The following MAPK8IP3 variants were observed in gnomAD, a reference collection of about 807,000 sequenced individuals.
MAPK8IP3 encodes C-Jun-amino-terminal kinase-interacting protein 3.
A neutral mutation model predicts 157.8 loss-of-function variants in MAPK8IP3; 49 were observed. That is an observed-to-expected ratio of 0.31 (90% CI 0.25 to 0.39). The LOEUF (loss-of-function observed/expected upper bound fraction) is 0.39, where lower values mean the gene tolerates loss of function less well. MAPK8IP3 is among the 10% of genes least tolerant of loss of function. The pLI is 1.00. For missense variants in MAPK8IP3, 1,478 were observed against 1,889.4 expected (o/e 0.78, Z 4.04); for synonymous variants, 897 against 777.7 (o/e 1.15, Z -2.55).
chr16:1,767,735 G>T lies in MAPK8IP3; in HGVS notation c.3409G>T (p.Gly1137Cys). 6.2e-7 allele frequency: 1 copy of T among 1,612,610 alleles called. No homozygotes were observed. The highest frequency in any genetic ancestry group is 8.5e-7 in the Non-Finnish European group (1 of 1,179,906). Residue 1137 changes from glycine to cysteine, a missense_variant and splice_region_variant, in exon 27 of 32, where the codon GGC (glycine) becomes TGC (cysteine). Physicochemically the swap from Gly to Cys is radical, Grantham distance 159 (BLOSUM62 -3). Coordinates refer to ENST00000610761, the MANE Select transcript of MAPK8IP3 (RefSeq NM_001318852.2). ...TGAGCCCTACGTCAGCAAGATGCTAGGTGAGGGGCCACGCCAGATGGGGTG... is the reference window on the plus strand; with the variant it reads ...TGAGCCCTACGTCAGCAAGATGCTATGTGAGGGGCCACGCCAGATGGGGTG... ...DIEPYVSKML[G>C]TGKLGFSFVR...
intron 8 of MAPK8IP3, among the ~76,000 whole-genome samples, chr16:1,755,839 A>T (rs1162061582): frequency 6.9e-6 from 1 of 144,072 alleles, no homozygotes; most frequent in African/African-American, 2.6e-5. Context: ...TGACAGAGTG[A>T]GAGTCTTTCT....
In MAPK8IP3 at chr16:1,729,150, A is replaced by T; in HGVS notation, c.452A>T (p.Glu151Val). ...KNYADQISRLEERESEMKKEY... is the reference protein window; with the variant it reads ...KNYADQISRLVERESEMKKEY... ...TTGTGTTTTCCAGTTTCCCGGTTGG[A>T]GGAGCGGGAGTCGGAGATGAAGAAG... The change falls in exon 3 of 32, where the codon GAG becomes GTG. Residue 151 changes from glutamate to valine, a missense_variant. Physicochemically the swap from Glu to Val is moderately radical, Grantham distance 121 (BLOSUM62 -2). Coordinates refer to ENST00000610761, the MANE Select transcript of MAPK8IP3 (RefSeq NM_001318852.2). 6.2e-7 allele frequency: 1 copy of T among 1,614,078 alleles called. No homozygotes were observed. The highest frequency in any genetic ancestry group is 8.5e-7 in the Non-Finnish European group (1 of 1,179,972).
chr16:1,738,844 TGTGAGCGTGTGA>T (rs1170938679), intron 4 of MAPK8IP3, among the ~76,000 whole-genome samples: 1 of 132,254 alleles, frequency 7.6e-6, no homozygotes, highest in Non-Finnish European at 1.6e-5. Flanking sequence ...TGAGCGTCCG[TGTGAGCGTGTGA>T]GCGTCCGTGT....
In MAPK8IP3 at chr16:1,722,005, G is replaced by A. The variant is rs200482603; in HGVS notation, c.319-2552G>A. ...AGGAAGGTCTCCATCTCCTGACCTC[G>A]TCATCCCCCCCGCCTCGGCCTCCCA... On this transcript the variant is annotated intron_variant, in intron 1 of 31. Transcript: ENST00000610761. Among the ~76,000 whole-genome samples, 20 of 147,360 alleles carry A rather than the reference G, an allele frequency of 1.4e-4. No individual in the cohort carries two copies. In the South Asian group the frequency reaches 3.0e-3, roughly 22 times the overall value.
chr16:1,755,363 C>T (rs747558956), intron 8 of MAPK8IP3, among the ~76,000 whole-genome samples: 1 of 152,172 alleles, frequency 6.6e-6, no homozygotes. Context: ...TACACAATTA[C>T]GAGGACAACA....
chr16:1,720,263 T>C (rs920229443), intron 1 of MAPK8IP3, among the ~76,000 whole-genome samples: 1 of 152,250 alleles, frequency 6.6e-6, no homozygotes, highest in Non-Finnish European at 1.5e-5. Context: ...CTTGAACTCC[T>C]GACCTCAGGT....
Position 1,737,321 on chromosome 16 carries a change from C to T in MAPK8IP3, c.603-6011C>T, listed in dbSNP as rs574459419. ...CCATGTGAGCATCTGTGTGACCGTCCGTGTGAGCATCCGTGTGAGCGTGAC... is the reference window on the plus strand; with the variant it reads ...CCATGTGAGCATCTGTGTGACCGTCTGTGTGAGCATCCGTGTGAGCGTGAC... On this transcript the variant is annotated intron_variant, in intron 4 of 31. Coordinates refer to ENST00000610761, the MANE Select transcript of MAPK8IP3 (RefSeq NM_001318852.2). Among the ~76,000 whole-genome samples, 13 of 86,566 alleles carry T rather than the reference C, an allele frequency of 1.5e-4. 1 individual carries two copies. Among genetic ancestry groups the T allele is most frequent in the African/African-American group, 6.4e-4 (12 of 18,788 alleles). 56.8% of individuals were successfully genotyped at this position (86,566 alleles called of 152,430 possible). A position where few individuals can be genotyped will look rare whatever the true frequency, so the allele number is the denominator to read the frequency against.
At chr16:1,729,020 C>T (rs1306245347) in intron 2 of MAPK8IP3, 118 bp from the exon 3 acceptor site, 2 of 962,234 alleles carry the variant, frequency 2.1e-6, no homozygotes, top group Non-Finnish European at 3.3e-6. Flanking sequence ...TGCTGGTTGC[C>T]TCAGGACCCA....
chr16:1,760,194 T>C (rs1170580864), intron 11 of MAPK8IP3, 179 bp downstream of exon 11: 6 of 959,636 alleles, frequency 6.3e-6, no homozygotes, highest in Non-Finnish European at 9.3e-6. Flanking sequence ...ACGAAGCTTG[T>C]CTCCAGGAGC....
intron 4 of MAPK8IP3, among the ~76,000 whole-genome samples, chr16:1,731,659 G>C (rs988953858): frequency 6.6e-6 from 1 of 152,196 alleles, no homozygotes; most frequent in African/African-American, 2.4e-5. Context: ...GCATTGCTTT[G>C]AGGATTTCCT....
intron 11 of MAPK8IP3, 70 bp downstream of exon 11, chr16:1,760,085 G>A (rs888103737): frequency 1.9e-5 from 30 of 1,552,444 alleles, no homozygotes; most frequent in East Asian, 1.6e-4. Context: ...AGAGTGAGCC[G>A]GGCCAGAGGG....
intron 8 of MAPK8IP3, chr16:1,752,615 G>T (rs371504511): frequency 2.0e-3 from 524 of 265,578 alleles, no homozygotes; most frequent in Non-Finnish European, 3.3e-3. Flanking sequence ...AGGCATGGTG[G>T]TGTGCACCTG....
intron 5 of MAPK8IP3, chr16:1,744,475 T>C: frequency 1.0e-6 from 1 of 985,728 alleles, no homozygotes; most frequent in Non-Finnish European, 1.2e-6. Flanking sequence ...AGCTCCCTCA[T>C]GGCATCTGGA....
In MAPK8IP3 at chr16:1,769,178, C is replaced by G; in HGVS notation, c.*354C>G. 3.5e-6 allele frequency: 1 copy of G among 286,362 alleles called. No homozygotes were observed. The allele number at this position is 286,362 out of a possible 1,614,324, so 17.7% of individuals were successfully genotyped here. On this transcript the variant is annotated 3_prime_UTR_variant, in exon 32 of 32. Transcript: ENST00000610761. ...CCTGGGCCTCCTACTCCCCAGCACC[C>G]CTGGAGGAGGCAGGGGCTCCCCGCC...
At chr16:1,757,831 A>G (rs2041701667) in intron 8 of MAPK8IP3, among the ~76,000 whole-genome samples, 1 of 152,144 alleles carries the variant, frequency 6.6e-6, no homozygotes, top group Non-Finnish European at 1.5e-5. Flanking sequence ...ACAGGCCTGC[A>G]TCATGGGGGC....
chr16:1,757,941 G>C (rs1254897806), intron 8 of MAPK8IP3, among the ~76,000 whole-genome samples: 2 of 152,240 alleles, frequency 1.3e-5, no homozygotes, highest in Non-Finnish European at 2.9e-5. Context: ...CACGGCGCCT[G>C]GGCCTGGTTC....
chr16:1,738,181 CGTCCGTGAGCGT>C (rs1596651750), intron 4 of MAPK8IP3, among the ~76,000 whole-genome samples: 2 of 72,778 alleles, frequency 2.7e-5, no homozygotes, highest in African/African-American at 6.3e-5. Context: ...TCCGTGTGAG[CGTCCGTGAGCGT>C]GTGACCGTCC....
chr16:1,765,841 G>GGGTCTGCT, intron 20 of MAPK8IP3, 119 bp from the exon 21 acceptor site: 1 of 910,974 alleles, frequency 1.1e-6, no homozygotes, highest in Non-Finnish European at 1.7e-6. Flanking sequence ...TGTGGAAGCT[G>GGGTCTGCT]GGTCTGCTGG....
chr16:1,768,465 C>T lies in MAPK8IP3; in HGVS notation c.3743-12C>T, dbSNP rs1324906965. ...AGGAGGCCGCTGTCCTGAATCGCTTCTGCCATCCCAGGGAACGTGCTGGCC... is the reference window on the plus strand; with the variant it reads ...AGGAGGCCGCTGTCCTGAATCGCTTTTGCCATCCCAGGGAACGTGCTGGCC... On this transcript the variant is annotated splice_polypyrimidine_tract_variant and intron_variant, in intron 30 of 31. Coordinates refer to ENST00000610761, the MANE Select transcript of MAPK8IP3 (RefSeq NM_001318852.2). 7.6e-6 allele frequency: 12 copies of T among 1,577,480 alleles called. 1 individual carries two copies. The highest frequency in any genetic ancestry group is 1.7e-4 in the Middle Eastern group (1 of 6,054).
Sources: allele counts gnomAD v4.1 joint callset (sites outside exome capture counted in the v4.1 genomes callset), GRCh38; gene constraint gnomAD v4.1.1; transcripts MANE v1.5; gene names NCBI Gene and HGNC (gene_info 2026-07-23, HGNC 2026-07-21).